The following PLD5 variants were observed in gnomAD, a reference collection of about 807,000 sequenced individuals.
The protein encoded by PLD5 is inactive phospholipase D5.
PLD5 carries 36 observed loss-of-function variants against 61.1 expected under a neutral mutation model. The ratio of observed to expected loss-of-function variants is 0.59; its 90% CI spans 0.45 to 0.78. PLD5 has a LOEUF of 0.78. Among genes scored for constraint, PLD5 ranks in the 30% least tolerant of loss-of-function variants. The pLI is 0.00. For missense variants in PLD5, 515 were observed against 644.4 expected, an observed-to-expected ratio of 0.80 and a Z score of 2.17; for synonymous variants, 243 against 242.8, an observed-to-expected ratio of 1.00 and a Z score of -0.01.
intron 2 of PLD5, among the ~76,000 whole-genome samples, chr1:242,302,429 C>T (rs1264856308): frequency 1.3e-5 from 2 of 152,158 alleles, no homozygotes; most frequent in Non-Finnish European, 2.9e-5. Context: ...GAGAATTGCT[C>T]ATTCTCAGCT....
chr1:242,527,480 C>A (rs540954911), upstream of PLD5, among the ~76,000 whole-genome samples: 2 of 152,218 alleles, frequency 1.3e-5, no homozygotes, highest in African/African-American at 4.8e-5. Flanking sequence ...ATAAATATGA[C>A]AGCATACTAC....
At chr1:242,419,389 T>G (rs1441108824) in intron 1 of PLD5, among the ~76,000 whole-genome samples, 4 of 110,954 alleles carry the variant, frequency 3.6e-5, no homozygotes, top group Admixed American at 1.7e-4. Context: ...GATTTTTGTT[T>G]TTTTTTTTTT....
At position 242,134,391 on chromosome 1, in the gene PLD5, T is replaced by TG. The variant is rs200427557; in HGVS notation, c.736-9727_736-9726insC. 2.8e-3 allele frequency among the ~76,000 whole-genome samples: 239 copies of TG among 83,930 alleles called. 1 individual carries two copies. Among genetic ancestry groups the TG allele is most frequent in the African/African-American group, 0.011 (192 of 18,230 alleles). The allele number at this position is 83,930 out of a possible 152,430, so 55.1% of individuals were successfully genotyped here. ...CTGGGTGATGTAGCCTTCAGTTTTT[T>TG]TTTTTTTTTAATAAATAATTAGAAA... On this transcript the variant is annotated intron_variant, in intron 5 of 9. Transcript: ENST00000536534.
At chr1:242,460,328 C>T (rs1390300316) in intron 1 of PLD5, among the ~76,000 whole-genome samples, 1 of 152,162 alleles carries the variant, frequency 6.6e-6, no homozygotes, top group East Asian at 1.9e-4. Context: ...GGTGACCCCC[C>T]TGGACCCAGC....
rs1253661178 is a variant in PLD5 at position 242,086,144 on chromosome 1, A to C, written c.*3710T>G. Reference sequence around the variant, plus strand: ...CCCACATTTTTCAAAGGGTGAGATCAACCAAAAATGTGATCAGACCCCTCT... The same window carrying C: ...CCCACATTTTTCAAAGGGTGAGATCCACCAAAAATGTGATCAGACCCCTCT... On this transcript the variant is annotated 3_prime_UTR_variant, in exon 10 of 10. Transcript: ENST00000536534. 1 of 152,182 alleles carries C rather than the reference A, an allele frequency of 6.6e-6. No homozygotes were observed. Among genetic ancestry groups the C allele is most frequent in the African/African-American group, 2.4e-5 (1 of 41,436 alleles). The allele number at this position is 152,182 out of a possible 1,614,324, so 9.4% of individuals were successfully genotyped here.
intron 1 of PLD5, 23 bp downstream of exon 1, chr1:242,524,065 C>A: frequency 6.5e-7 from 1 of 1,527,920 alleles, no homozygotes; most frequent in African/African-American, 1.4e-5. Flanking sequence ...TGGCCGAGGC[C>A]CCCGGGAGCG....
intron 4 of PLD5, among the ~76,000 whole-genome samples, chr1:242,244,392 C>G (rs774720786): frequency 1.3e-5 from 2 of 152,096 alleles, no homozygotes; most frequent in Non-Finnish European, 2.9e-5. Flanking sequence ...GGAGACAACA[C>G]AAAGTAGTAT....
At chr1:242,357,302 T>C (rs1217175676) in intron 1 of PLD5, among the ~76,000 whole-genome samples, 11 of 150,866 alleles carry the variant, frequency 7.3e-5, no homozygotes, top group Non-Finnish European at 1.6e-4. Flanking sequence ...GATGATTGTA[T>C]TGAGACTTCT....
chr1:242,233,359 C>G (rs1311249317), intron 4 of PLD5, among the ~76,000 whole-genome samples: 1 of 152,110 alleles, frequency 6.6e-6, no homozygotes, highest in Non-Finnish European at 1.5e-5. Flanking sequence ...GTTTTAAGTT[C>G]AAATTCAGGA....
intron 9 of PLD5, among the ~76,000 whole-genome samples, chr1:242,100,230 A>G (rs1660578768): frequency 6.6e-6 from 1 of 152,146 alleles, no homozygotes. Context: ...GATAGCAGGG[A>G]TGGGATAATT....
chr1:242,156,180 C>CT (rs57868224), intron 5 of PLD5, among the ~76,000 whole-genome samples: 18,454 of 151,916 alleles, frequency 0.12, 1,697 homozygotes, highest in East Asian at 0.42. Flanking sequence ...AACTCCTGCT[C>CT]TTTTTTTGCT....
intron 2 of PLD5, among the ~76,000 whole-genome samples, chr1:242,335,437 A>C (rs1393031813): frequency 6.6e-6 from 1 of 152,212 alleles, no homozygotes; most frequent in Non-Finnish European, 1.5e-5. Context: ...ATGTAGTTCT[A>C]GATCCTTTTG....
chr1:242,182,171 C>G (rs1007559377), intron 5 of PLD5, among the ~76,000 whole-genome samples: 1 of 152,168 alleles, frequency 6.6e-6, no homozygotes, highest in African/African-American at 2.4e-5. Context: ...CAGTTGTTCC[C>G]TGTAGATCTG....
chr1:242,308,301 C>T (rs966905348), intron 2 of PLD5, among the ~76,000 whole-genome samples: 4 of 152,138 alleles, frequency 2.6e-5, no homozygotes, highest in Non-Finnish European at 2.9e-5. Context: ...TTAGAATCTG[C>T]GTGGGAGACA....
In PLD5 at chr1:242,394,328, ATATATGTGTG is replaced by A. The variant is rs1180496600; in HGVS notation, c.190-46096_190-46087del. Among the ~76,000 whole-genome samples, 83 of 93,802 alleles carry A rather than the reference ATATATGTGTG, an allele frequency of 8.8e-4. 2 individuals are homozygous for A. The highest frequency in any genetic ancestry group is 1.4e-3 in the Non-Finnish European group (66 of 48,224). 61.5% of individuals were successfully genotyped at this position (93,802 alleles called of 152,430 possible). ...AGTATATATGTGTGTATATATGAGT[ATATATGTGTG>A]TATATATGAGTATATATGTGTGTAT... On this transcript the variant is annotated intron_variant, in intron 1 of 9. Coordinates refer to ENST00000536534, the MANE Select transcript of PLD5 (RefSeq NM_001372062.1).
intron 9 of PLD5, among the ~76,000 whole-genome samples, 163 bp from the exon 10 acceptor site, chr1:242,090,273 C>G (rs903387107): frequency 3.6e-4 from 55 of 152,140 alleles, no homozygotes; most frequent in Non-Finnish European, 4.4e-4. Flanking sequence ...ATCCAAGAAG[C>G]CTTACATATG....
chr1:242,163,207 G>C (rs946083560), intron 5 of PLD5, among the ~76,000 whole-genome samples: 12 of 150,132 alleles, frequency 8.0e-5, no homozygotes, highest in South Asian at 2.1e-4. Flanking sequence ...GCAGTGGCGC[G>C]ATCTCGGCTC....
chr1:242,114,935 G>A (rs1487280250), intron 6 of PLD5, among the ~76,000 whole-genome samples: 1 of 152,176 alleles, frequency 6.6e-6, no homozygotes, highest in Admixed American at 6.5e-5. Flanking sequence ...CCAGCGCTTT[G>A]GGAGGCTGAG....
intron 5 of PLD5, among the ~76,000 whole-genome samples, chr1:242,201,461 G>A (rs931603576): frequency 6.6e-6 from 1 of 152,060 alleles, no homozygotes; most frequent in Middle Eastern, 3.2e-3. Context: ...TAAAATAAAT[G>A]CATTTCCTAG....
Sources: gnomAD v4.1 joint callset for allele counts (sites outside exome capture counted in the v4.1 genomes callset) on GRCh38, gnomAD v4.1.1 for gene constraint, MANE v1.5 for transcripts, NCBI Gene and HGNC (gene_info 2026-07-23, HGNC 2026-07-21) for gene names.